DGKH: variants seen among roughly 807,000 people sequenced by gnomAD.
DGKH encodes DAG kinase eta.
A neutral mutation model predicts 159.3 loss-of-function variants in DGKH; 90 were observed. The ratio of observed to expected loss-of-function variants is 0.57; its 90% CI spans 0.48 to 0.67. DGKH has a LOEUF of 0.67. Among genes scored for constraint, DGKH ranks in the 30% least tolerant of loss-of-function variants. The pLI is 0.00. For synonymous variants in DGKH, 536 were observed against 553.8 expected (o/e 0.97, Z 0.45); for missense variants, 1,181 against 1,506.1 (o/e 0.78, Z 3.57).
At chr13:42,169,062 C>T (rs1447408129) in intron 11 of DGKH, among the ~76,000 whole-genome samples, 2 of 152,046 alleles carry the variant, frequency 1.3e-5, no homozygotes, top group Non-Finnish European at 2.9e-5. Flanking sequence ...GTCTGAGGAA[C>T]TCATTATTTT....
At chr13:42,255,281 AT>A (rs1001207556) in intron 30 of DGKH, among the ~76,000 whole-genome samples, 39 of 151,878 alleles carry the variant, frequency 2.6e-4, no homozygotes, top group Non-Finnish European at 3.7e-4. Flanking sequence ...ATGAATGGAG[AT>A]TTTTTTTAAT....
chr13:42,151,508 TAC>T (rs542942187), intron 3 of DGKH, among the ~76,000 whole-genome samples: 8 of 114,056 alleles, frequency 7.0e-5, no homozygotes, highest in African/African-American at 3.2e-4. Context: ...TGTGTGTGTA[TAC>T]ACATGTATAT....
At position 42,093,903 on chromosome 13, in the gene DGKH, C is replaced by T. The variant is rs181791632; in HGVS notation, c.193-33560C>T. Among the ~76,000 whole-genome samples, 11 of 151,950 alleles carry T rather than the reference C, an allele frequency of 7.2e-5. No individual in the cohort carries two copies. In the East Asian group the frequency reaches 2.1e-3, roughly 29 times the overall value. ...CCATGGGTGTAGAGTTTTGGTTTTG[C>T]AAGGTGAAGAATTCTGGAGATTGGT... On this transcript the variant is annotated intron_variant, in intron 1 of 29. Coordinates refer to ENST00000337343, the MANE Select transcript of DGKH (RefSeq NM_178009.5).
chr13:42,172,348 G>C (rs1255492852), intron 11 of DGKH, among the ~76,000 whole-genome samples: 1 of 151,956 alleles, frequency 6.6e-6, no homozygotes, highest in Non-Finnish European at 1.5e-5. Flanking sequence ...TTGACCTCTT[G>C]ACCTCGTGAT....
intron 1 of DGKH, among the ~76,000 whole-genome samples, chr13:42,057,460 G>A (rs1881848326): frequency 1.3e-5 from 2 of 152,082 alleles, no homozygotes; most frequent in African/African-American, 2.4e-5. Flanking sequence ...TTAAAATTAT[G>A]TGATATTATA....
At chr13:42,087,546 A>G (rs2137736727) in intron 1 of DGKH, among the ~76,000 whole-genome samples, 1 of 152,164 alleles carries the variant, frequency 6.6e-6, no homozygotes, top group East Asian at 1.9e-4. Flanking sequence ...TCGTTTGTTC[A>G]AGGAGGTAAA....
chr13:42,242,429 G>A lies in DGKH; in HGVS notation c.*13241G>A, dbSNP rs1958531975. ...AAAGAGTGAAACTTTTAACTGCTTA[G>A]CACACTTGCCAGTGAAATATACCTG... is the stretch of plus-strand genomic sequence containing the variant. On this transcript the variant is annotated 3_prime_UTR_variant, in exon 30 of 30. Transcript: ENST00000337343. 6.6e-6 allele frequency: 1 copy of A among 152,186 alleles called. No individual in the cohort carries two copies. The highest frequency in any genetic ancestry group is 2.1e-4 in the South Asian group (1 of 4,834). 9.4% of individuals were successfully genotyped at this position (152,186 alleles called of 1,614,324 possible).
intron 29 of DGKH, among the ~76,000 whole-genome samples, chr13:42,227,783 A>C (rs551060305): frequency 6.6e-6 from 1 of 152,338 alleles, no homozygotes; most frequent in African/African-American, 2.4e-5. Flanking sequence ...ACTGCTAAAG[A>C]ACTCCAAGAG....
chr13:42,221,486 G>A lies in DGKH; in HGVS notation c.3573+92G>A, dbSNP rs1486992355. On this transcript the variant is annotated intron_variant, in intron 29 of 29. Transcript: ENST00000337343. Reference sequence around the variant, plus strand: ...TCTTCTGATACTTGCTTTTAGCTTCGCTTATGTCATGCAAATGTGTAGTAA... The same window carrying A: ...TCTTCTGATACTTGCTTTTAGCTTCACTTATGTCATGCAAATGTGTAGTAA... 3.4e-5 allele frequency: 51 copies of A among 1,515,910 alleles called. No individual in the cohort carries two copies. In the East Asian group the frequency reaches 8.9e-4, roughly 27 times the overall value. The allele number at this position is 1,515,910 out of a possible 1,614,324, so 93.9% of individuals were successfully genotyped here.
intron 1 of DGKH, among the ~76,000 whole-genome samples, chr13:42,094,291 G>T (rs1334461774): frequency 6.6e-6 from 1 of 152,126 alleles, no homozygotes; most frequent in African/African-American, 2.4e-5. Context: ...TGTCAAAATA[G>T]CATTTCTGAT....
chr13:42,250,208 A>C (rs998241200), intron 29 of DGKH, among the ~76,000 whole-genome samples: 1 of 151,034 alleles, frequency 6.6e-6, no homozygotes, highest in Non-Finnish European at 1.5e-5. Context: ...TGACCTCCTG[A>C]TCCACCCGCC....
intron 3 of DGKH, chr13:42,138,255 C>T (rs890134865): frequency 2.4e-5 from 7 of 287,714 alleles, no homozygotes; most frequent in Admixed American, 1.3e-4. Context: ...GACTGCTGGG[C>T]ACTATGCTAG....
At chr13:42,062,620 G>A (rs781703753) in intron 1 of DGKH, among the ~76,000 whole-genome samples, 28 of 152,166 alleles carry the variant, frequency 1.8e-4, no homozygotes, top group Non-Finnish European at 3.1e-4. Flanking sequence ...AGTGAGGTCT[G>A]CAATATGTTC....
intron 1 of DGKH, among the ~76,000 whole-genome samples, chr13:42,114,510 C>T (rs574616318): frequency 6.6e-6 from 1 of 152,324 alleles, no homozygotes; most frequent in Non-Finnish European, 1.5e-5. Context: ...TCTGCTCTCG[C>T]TGAGCATGCA....
At chr13:42,145,836 A>G (rs1250506149) in intron 3 of DGKH, among the ~76,000 whole-genome samples, 1 of 152,184 alleles carries the variant, frequency 6.6e-6, no homozygotes, top group Non-Finnish European at 1.5e-5. Flanking sequence ...TGGGGGAGTA[A>G]CTAGCAGCCA....
intron 1 of DGKH, among the ~76,000 whole-genome samples, chr13:42,111,973 G>A (rs1383952226): frequency 6.6e-6 from 1 of 152,182 alleles, no homozygotes; most frequent in Non-Finnish European, 1.5e-5. Context: ...ACTGAAGAGC[G>A]AGCGCTTCAC....
At chr13:42,159,189 G>T (rs1477959531) in intron 5 of DGKH, 77 bp from the exon 6 acceptor site, 1 of 755,854 alleles carries the variant, frequency 1.3e-6, no homozygotes, top group Non-Finnish European at 2.0e-6. Flanking sequence ...ATTTTATGCT[G>T]TGATTTCCTT....
At chr13:42,245,079 G>A (rs1194847576), downstream of DGKH, among the ~76,000 whole-genome samples, 1 of 152,116 alleles carries the variant, frequency 6.6e-6, no homozygotes, top group South Asian at 2.1e-4. Context: ...GGGAAATGAA[G>A]TTGGACTTAA....
At chr13:42,223,660 C>G (rs1958043942) in intron 29 of DGKH, among the ~76,000 whole-genome samples, 1 of 151,882 alleles carries the variant, frequency 6.6e-6, no homozygotes, top group Non-Finnish European at 1.5e-5. Flanking sequence ...ACTCAGGAGG[C>G]TGAGGCAGGC....
Sources: gnomAD v4.1 joint callset for allele counts (sites outside exome capture counted in the v4.1 genomes callset) on GRCh38, gnomAD v4.1.1 for gene constraint, MANE v1.5 for transcripts, NCBI Gene and HGNC (gene_info 2026-07-23, HGNC 2026-07-21) for gene names.